NRXN3: variants seen among roughly 807,000 people sequenced by gnomAD.
The protein encoded by NRXN3 is neurexin III.
NRXN3 carries 32 observed loss-of-function variants against 137.6 expected under a neutral mutation model. That is an observed-to-expected ratio of 0.23 (90% CI 0.18 to 0.31). NRXN3 has a LOEUF of 0.31. Among genes scored for constraint, NRXN3 ranks in the 10% least tolerant of loss-of-function variants. The pLI is 1.00. For missense variants in NRXN3, 1,574 were observed against 2,062.5 expected (o/e 0.76, Z 4.59); for synonymous variants, 798 against 784.5 (o/e 1.02, Z -0.29).
chr14:78,278,481 G>A (rs1256222664), intron 2 of NRXN3, among the ~76,000 whole-genome samples, 164 bp from the exon 3 acceptor site: 1 of 152,168 alleles, frequency 6.6e-6, no homozygotes, highest in African/African-American at 2.4e-5. Flanking sequence ...GGTGAAGGTG[G>A]AACTAAGTGC....
In NRXN3 at chr14:78,413,477, G is replaced by A. The variant is rs1027145856; in HGVS notation, c.757+115617G>A. 3.3e-5 allele frequency among the ~76,000 whole-genome samples: 5 copies of A among 152,108 alleles called. No individual in the cohort carries two copies. The East Asian group carries it at 9.6e-4, about 29-fold the overall frequency. ...ATTTTCTATTTTCAGTAGAGACGAG[G>A]TTTCTCCATGTTGGTCAGGCTGGTC... On this transcript the variant is annotated intron_variant, in intron 4 of 20. Transcript: ENST00000335750.
chr14:79,565,484 G>A (rs558708221), intron 16 of NRXN3, among the ~76,000 whole-genome samples: 2 of 151,730 alleles, frequency 1.3e-5, no homozygotes, highest in African/African-American at 4.8e-5. Context: ...GCCTTGCCAC[G>A]GGTAGAGGAG....
chr14:78,866,190 C>A (rs181098302), intron 10 of NRXN3, among the ~76,000 whole-genome samples: 1 of 151,820 alleles, frequency 6.6e-6, no homozygotes, highest in African/African-American at 2.4e-5. Context: ...TCTTGTATAC[C>A]CAGAGAAGCA....
chr14:78,681,363 C>G (rs2098073898), intron 6 of NRXN3, among the ~76,000 whole-genome samples: 1 of 152,094 alleles, frequency 6.6e-6, no homozygotes. Flanking sequence ...CTTGAAAACC[C>G]TTATCCCTAT....
At chr14:78,233,744 C>G (rs892908173) in intron 1 of NRXN3, among the ~76,000 whole-genome samples, 3 of 151,300 alleles carry the variant, frequency 2.0e-5, no homozygotes, top group Non-Finnish European at 4.4e-5. Context: ...GCTCCTGCCA[C>G]TGCTGCATTG....
intron 2 of NRXN3, among the ~76,000 whole-genome samples, chr14:78,252,885 T>A (rs1021475146): frequency 3.9e-5 from 6 of 152,190 alleles, no homozygotes; most frequent in Non-Finnish European, 8.8e-5. Flanking sequence ...AAAGCTGAGA[T>A]CACTTCTTTG....
In NRXN3 at chr14:79,734,974, C is replaced by G. The variant is rs1292299884; in HGVS notation, c.4014+37037C>G. Among the ~76,000 whole-genome samples the G allele has an allele frequency of 2.0e-5, 3 of 151,976 alleles. No individual in the cohort carries two copies. The East Asian group carries it at 5.8e-4, about 29-fold the overall frequency. On this transcript the variant is annotated intron_variant, in intron 19 of 20. Transcript: ENST00000335750. The stretch of plus-strand genomic sequence containing the variant: ...AGCCTACTAGGTACCAAAGCAATAG[C>G]CTGAAGTTTGGAAAAATTCTAGTTG...
chr14:78,217,754 T>G (rs904969027), intron 1 of NRXN3, among the ~76,000 whole-genome samples: 9 of 152,148 alleles, frequency 5.9e-5, no homozygotes, highest in African/African-American at 2.2e-4. Context: ...CTCCACCTCC[T>G]AGGTTCAAGC....
intron 2 of NRXN3, among the ~76,000 whole-genome samples, chr14:78,248,298 C>CT (rs2068003128): frequency 5.8e-5 from 1 of 17,360 alleles, no homozygotes; most frequent in Non-Finnish European, 3.1e-4. Context: ...AGCCACCGCC[C>CT]CCCGCCCCCC....
intron 15 of NRXN3, among the ~76,000 whole-genome samples, chr14:79,291,558 A>G (rs1204839913): frequency 2.7e-5 from 4 of 150,214 alleles, no homozygotes; most frequent in African/African-American, 9.8e-5. Context: ...GGAGGCATGG[A>G]AAGTTTGAGT....
At chr14:79,662,396 A>G (rs1375305694) in intron 16 of NRXN3, among the ~76,000 whole-genome samples, 1 of 152,120 alleles carries the variant, frequency 6.6e-6, no homozygotes, top group Non-Finnish European at 1.5e-5. Context: ...CATTTATTTC[A>G]TGTCTCATTG....
intron 2 of NRXN3, among the ~76,000 whole-genome samples, chr14:78,247,015 C>T (rs572090249): frequency 5.3e-5 from 8 of 152,314 alleles, no homozygotes; most frequent in Middle Eastern, 3.4e-3. Context: ...ATGGAAGGTC[C>T]GTTTTGTACT....
intron 10 of NRXN3, among the ~76,000 whole-genome samples, chr14:78,878,201 A>G (rs1333720185): frequency 1.3e-5 from 2 of 152,292 alleles, no homozygotes; most frequent in African/African-American, 4.8e-5. Context: ...TGTCGTACTC[A>G]GTTATAAATA....
intron 19 of NRXN3, among the ~76,000 whole-genome samples, chr14:79,789,714 A>G (rs1009967238): frequency 2.6e-5 from 4 of 152,228 alleles, no homozygotes; most frequent in African/African-American, 7.2e-5. Context: ...GGTCACTCTC[A>G]TCGCCATCTT....
chr14:78,894,249 A>T (rs1048495530), intron 10 of NRXN3, among the ~76,000 whole-genome samples: 2 of 151,992 alleles, frequency 1.3e-5, no homozygotes, highest in Non-Finnish European at 2.9e-5. Context: ...CAAAATTAGA[A>T]TGAATTCACT....
chr14:78,322,457 A>T (rs1026184985), intron 4 of NRXN3, among the ~76,000 whole-genome samples: 2 of 151,962 alleles, frequency 1.3e-5, no homozygotes, highest in African/African-American at 4.8e-5. Flanking sequence ...TTGTAGCCTT[A>T]TTTAATGTCT....
chr14:79,683,359 G>A (rs76967929), intron 17 of NRXN3, among the ~76,000 whole-genome samples: 5,314 of 152,102 alleles, frequency 0.035, 313 homozygotes, highest in African/African-American at 0.12. Context: ...AAAAACTCAC[G>A]CATGCTAGTG....
At chr14:78,549,649 C>T (rs1393713415) in intron 4 of NRXN3, among the ~76,000 whole-genome samples, 1 of 152,118 alleles carries the variant, frequency 6.6e-6, no homozygotes, top group African/African-American at 2.4e-5. Flanking sequence ...ATGAACTGAG[C>T]AATGTTTTGT....
At chr14:78,246,222 A>G (rs2067650075) in intron 2 of NRXN3, among the ~76,000 whole-genome samples, 2 of 152,210 alleles carry the variant, frequency 1.3e-5, no homozygotes, top group South Asian at 4.1e-4. Flanking sequence ...CGCAGGAAAA[A>G]AAATCTCTAT....
Sources: gnomAD v4.1 joint callset for allele counts (sites outside exome capture counted in the v4.1 genomes callset) on GRCh38, gnomAD v4.1.1 for gene constraint, MANE v1.5 for transcripts, NCBI Gene and HGNC (gene_info 2026-07-23, HGNC 2026-07-21) for gene names.